NLGN1: variants seen among roughly 807,000 people sequenced by gnomAD.
The protein encoded by NLGN1 is neuroligin-1.
NLGN1 carries 12 observed loss-of-function variants against 65.5 expected under a neutral mutation model. That is an observed-to-expected ratio of 0.18 (90% confidence interval 0.12 to 0.30). The LOEUF is 0.30. NLGN1 is among the 10% of genes least tolerant of loss of function. NLGN1 has a pLI of 1.00. For synonymous variants in NLGN1, 350 were observed against 359.5 expected, an observed-to-expected ratio of 0.97 and a Z score of 0.30; for missense variants, 750 against 1,007.1, an observed-to-expected ratio of 0.74 and a Z score of 3.46.
At chr3:173,931,232 C>T (rs1018343868) in intron 4 of NLGN1, among the ~76,000 whole-genome samples, 23 of 152,088 alleles carry the variant, frequency 1.5e-4, no homozygotes, top group African/African-American at 5.3e-4. Flanking sequence ...TGAGAGGCTC[C>T]ACCTTCATGG....
chr3:174,210,075 T>C (rs1438277729), intron 4 of NLGN1, among the ~76,000 whole-genome samples: 1 of 152,210 alleles, frequency 6.6e-6, no homozygotes, highest in Admixed American at 6.5e-5. Flanking sequence ...GGAAAGTTCT[T>C]ACCCCAAATC....
At chr3:173,559,679 A>T (rs1195824937) in intron 2 of NLGN1, among the ~76,000 whole-genome samples, 1 of 152,238 alleles carries the variant, frequency 6.6e-6, no homozygotes, top group African/African-American at 2.4e-5. Context: ...TTTTTAAGGC[A>T]TGTATAAATA....
At chr3:173,888,048 T>G (rs931435870) in intron 4 of NLGN1, among the ~76,000 whole-genome samples, 4 of 152,148 alleles carry the variant, frequency 2.6e-5, no homozygotes, top group Admixed American at 6.6e-5. Context: ...GTAGTGACAG[T>G]GAAACATGGT....
At chr3:174,253,499 C>T (rs1217543517) in intron 4 of NLGN1, among the ~76,000 whole-genome samples, 2 of 152,132 alleles carry the variant, frequency 1.3e-5, no homozygotes. Context: ...ATTAGTTTCA[C>T]TTTTTTTCTT....
At chr3:173,483,653 TAAG>T (rs1368619629) in intron 2 of NLGN1, among the ~76,000 whole-genome samples, 1 of 152,100 alleles carries the variant, frequency 6.6e-6, no homozygotes, top group Non-Finnish European at 1.5e-5. Flanking sequence ...TTTTAAGTCT[TAAG>T]AAGTTGTTCC....
chr3:173,586,642 A>G (rs549658345), intron 2 of NLGN1, among the ~76,000 whole-genome samples: 1 of 152,214 alleles, frequency 6.6e-6, no homozygotes, highest in African/African-American at 2.4e-5. Context: ...TTATTTAGAG[A>G]TTATAGAAAT....
intron 2 of NLGN1, among the ~76,000 whole-genome samples, chr3:173,575,135 C>G (rs1484465965): frequency 2.0e-5 from 3 of 152,150 alleles, no homozygotes; most frequent in Non-Finnish European, 1.5e-5. Context: ...GCCTTGGCCT[C>G]CCAAAGCCCT....
At chr3:173,423,168 A>G (rs746981902) in intron 1 of NLGN1, among the ~76,000 whole-genome samples, 3 of 152,186 alleles carry the variant, frequency 2.0e-5, no homozygotes, top group Non-Finnish European at 4.4e-5. Flanking sequence ...TCACAAGAAC[A>G]GCATGTGGGA....
intron 4 of NLGN1, among the ~76,000 whole-genome samples, chr3:174,250,292 G>A (rs969551309): frequency 2.9e-4 from 44 of 152,104 alleles, no homozygotes; most frequent in Non-Finnish European, 5.9e-4. Context: ...CATAGGATTA[G>A]TCACCATTAT....
intron 4 of NLGN1, among the ~76,000 whole-genome samples, chr3:173,965,763 T>C (rs1179647752): frequency 1.3e-5 from 2 of 152,134 alleles, no homozygotes; most frequent in Non-Finnish European, 2.9e-5. Flanking sequence ...CAAGTACTTA[T>C]CTTTCTCTGA....
At chr3:173,805,055 C>G (rs966601616) in intron 3 of NLGN1, among the ~76,000 whole-genome samples, 4 of 151,964 alleles carry the variant, frequency 2.6e-5, no homozygotes, top group African/African-American at 9.7e-5. Flanking sequence ...AAAATAAAGC[C>G]TAAGGTGGAC....
intron 3 of NLGN1, among the ~76,000 whole-genome samples, chr3:173,745,897 A>G (rs1044172004): frequency 1.3e-5 from 2 of 152,096 alleles, no homozygotes; most frequent in Non-Finnish European, 2.9e-5. Context: ...CACTTCACAG[A>G]TAGGGAAACT....
chr3:173,663,911 TGATGA>T (rs1365732388), intron 3 of NLGN1, among the ~76,000 whole-genome samples: 1 of 151,808 alleles, frequency 6.6e-6, no homozygotes, highest in Admixed American at 6.6e-5. Flanking sequence ...GAATCCTGCC[TGATGA>T]GTAGGAGTAC....
chr3:174,002,566 A>T (rs1218441076), intron 4 of NLGN1, among the ~76,000 whole-genome samples: 1 of 152,124 alleles, frequency 6.6e-6, no homozygotes, highest in African/African-American at 2.4e-5. Context: ...TTCTCAGATG[A>T]TTCTAGTGGT....
At chr3:173,439,571 T>G (rs1718780891) in intron 2 of NLGN1, among the ~76,000 whole-genome samples, 1 of 151,684 alleles carries the variant, frequency 6.6e-6, no homozygotes, top group East Asian at 1.9e-4. Flanking sequence ...TTGGATATAT[T>G]GTAGGTTTTG....
intron 4 of NLGN1, among the ~76,000 whole-genome samples, chr3:174,091,934 AC>A (rs1473978076): frequency 1.3e-5 from 2 of 152,202 alleles, no homozygotes; most frequent in African/African-American, 4.8e-5. Context: ...TTTTAAGAGT[AC>A]TGTACTAAGG....
chr3:173,787,770 A>G (rs190657485), intron 3 of NLGN1, among the ~76,000 whole-genome samples: 82 of 152,308 alleles, frequency 5.4e-4, no homozygotes, highest in Non-Finnish European at 8.7e-4. Context: ...TTAGTACACA[A>G]GATAGAAGGT....
chr3:173,808,611 A>G (rs538705922), intron 4 of NLGN1, among the ~76,000 whole-genome samples: 7 of 152,272 alleles, frequency 4.6e-5, no homozygotes, highest in African/African-American at 1.7e-4. Flanking sequence ...AAATTACTGT[A>G]TGATTTAGTA....
At chr3:173,637,503 G>A (rs573422939) in intron 3 of NLGN1, among the ~76,000 whole-genome samples, 1 of 152,116 alleles carries the variant, frequency 6.6e-6, no homozygotes, top group African/African-American at 2.4e-5. Context: ...GTAAAATGCT[G>A]AAAATAATCT....
Sources: allele counts gnomAD v4.1 joint callset (sites outside exome capture counted in the v4.1 genomes callset), GRCh38; gene constraint gnomAD v4.1.1; transcripts MANE v1.5; gene names NCBI Gene and HGNC (gene_info 2026-07-23, HGNC 2026-07-21).